The following ZDHHC11 variants were observed in gnomAD, a reference collection of about 807,000 sequenced individuals.
ZDHHC11 encodes the protein zDHHC palmitoyltransferase 11, also known as palmitoyltransferase ZDHHC11.
A neutral mutation model predicts 51.3 loss-of-function variants in ZDHHC11; 44 were observed. The ratio of observed to expected loss-of-function variants is 0.86; its 90% CI spans 0.67 to 1.10. ZDHHC11 has a LOEUF of 1.10. ZDHHC11 is among the 50% of genes least tolerant of loss of function. ZDHHC11 has a pLI of 0.00. For synonymous variants in ZDHHC11, 163 were observed against 222.0 expected (o/e 0.73, Z 2.36); for missense variants, 400 against 537.7 (o/e 0.74, Z 2.53).
chr5:833,070 C>A (rs868547663), intron 7 of ZDHHC11, among the ~76,000 whole-genome samples: 16 of 151,566 alleles, frequency 1.1e-4, no homozygotes, highest in African/African-American at 3.4e-4. Context: ...TAAGGAAATG[C>A]ATATTAAAAC....
At chr5:798,830 C>T (rs1160030387) in intron 12 of ZDHHC11, among the ~76,000 whole-genome samples, 1 of 151,872 alleles carries the variant, frequency 6.6e-6, no homozygotes, top group African/African-American at 2.4e-5. Flanking sequence ...TCGAAAGCAC[C>T]CTAGGAAGAC....
intron 10 of ZDHHC11, among the ~76,000 whole-genome samples, chr5:815,207 A>G (rs1449023405): frequency 6.6e-6 from 1 of 151,568 alleles, no homozygotes. Flanking sequence ...GTGGCCATCT[A>G]CAAGGCAAGG....
At chr5:838,470 G>A (rs1175418138) in intron 5 of ZDHHC11, among the ~76,000 whole-genome samples, 1 of 151,984 alleles carries the variant, frequency 6.6e-6, no homozygotes, top group Non-Finnish European at 1.5e-5. Flanking sequence ...ATGGCGGTGG[G>A]CGCCCTGGGG....
At chr5:828,459 C>T (rs1742629999) in intron 7 of ZDHHC11, among the ~76,000 whole-genome samples, 1 of 151,120 alleles carries the variant, frequency 6.6e-6, no homozygotes, top group Non-Finnish European at 1.5e-5. Context: ...TGGGGGCTGA[C>T]CCCCCACCTC....
At chr5:842,893 G>T (rs1476330114) in intron 4 of ZDHHC11, among the ~76,000 whole-genome samples, 2 of 152,182 alleles carry the variant, frequency 1.3e-5, no homozygotes, top group African/African-American at 2.4e-5. Flanking sequence ...TCCTCACGAG[G>T]CCACCTCCCC....
At chr5:843,141 G>T (rs1335744599) in intron 4 of ZDHHC11, among the ~76,000 whole-genome samples, 1 of 152,286 alleles carries the variant, frequency 6.6e-6, no homozygotes, top group Non-Finnish European at 1.5e-5. Context: ...CCAGGCTCCG[G>T]GCCCACTTGG....
chr5:803,770 T>C lies in ZDHHC11; in HGVS notation c.1182-2606A>G, dbSNP rs1161870405. Among the ~76,000 whole-genome samples the C allele has an allele frequency of 5.3e-5, 8 of 150,622 alleles. No homozygotes were observed. The East Asian group carries it at 5.8e-4, about 11-fold the overall frequency. On this transcript the variant is annotated intron_variant, in intron 11 of 12. Coordinates refer to ENST00000283441, the MANE Select transcript of ZDHHC11 (RefSeq NM_024786.3). ...AACTAAATAAAGTAGGAAAATTACA[T>C]ATGAGCAAATTAGATTAGTAGTAGA...
At chr5:821,353 G>A (rs934211549) in intron 9 of ZDHHC11, 1 of 152,886 alleles carries the variant, frequency 6.5e-6, no homozygotes, top group African/African-American at 2.4e-5. Flanking sequence ...GGCCTGTGGT[G>A]CCCAGCACTG....
rs371251419 is a variant in ZDHHC11 at position 814,799 on chromosome 5, T to C, written c.1147-4A>G. ...TACTCGGGGCATCATCTGCTTCCTGTGGGGGGAAGGGATGCAAAATTCATA... is the reference window on the plus strand; with the variant it reads ...TACTCGGGGCATCATCTGCTTCCTGCGGGGGGAAGGGATGCAAAATTCATA... On this transcript the variant is annotated splice_region_variant and splice_polypyrimidine_tract_variant and intron_variant, in intron 10 of 12. Coordinates refer to ENST00000283441, the MANE Select transcript of ZDHHC11 (RefSeq NM_024786.3). 37 of 1,536,600 alleles carry C rather than the reference T, an allele frequency of 2.4e-5. 3 individuals are homozygous for C. Among genetic ancestry groups the C allele is most frequent in the Non-Finnish European group, 3.2e-5 (37 of 1,142,058 alleles).
intron 11 of ZDHHC11, among the ~76,000 whole-genome samples, chr5:810,697 C>T (rs952132313): frequency 7.3e-5 from 11 of 151,410 alleles, no homozygotes; most frequent in Admixed American, 7.2e-4. Flanking sequence ...GAAGCATATT[C>T]TGTGACAAAA....
At chr5:828,152 A>T (rs573304061) in intron 7 of ZDHHC11, among the ~76,000 whole-genome samples, 1 of 151,292 alleles carries the variant, frequency 6.6e-6, no homozygotes, top group Non-Finnish European at 1.5e-5. Flanking sequence ...ACACAGACAC[A>T]GCAACCATCC....
In ZDHHC11 at chr5:796,357, C is replaced by T. The variant is rs1398154869; in HGVS notation, c.*231G>A. 7.2e-5 allele frequency: 11 copies of T among 152,828 alleles called. 1 individual carries two copies. Among genetic ancestry groups the T allele is most frequent in the African/African-American group, 2.7e-4 (11 of 40,978 alleles). 9.5% of individuals were successfully genotyped at this position (152,828 alleles called of 1,614,324 possible). A position where few individuals can be genotyped will look rare whatever the true frequency, so the allele number is the denominator to read the frequency against. Reference sequence around the variant, plus strand: ...TGTAAACCCTCCTGCAAGGCTGGCTCTTCTTTGGGTGTGATGAAGATGATG... The same window carrying T: ...TGTAAACCCTCCTGCAAGGCTGGCTTTTCTTTGGGTGTGATGAAGATGATG... On this transcript the variant is annotated 3_prime_UTR_variant, in exon 13 of 13. Transcript: ENST00000283441.
At chr5:815,354 A>C (rs1029229147) in intron 10 of ZDHHC11, among the ~76,000 whole-genome samples, 1 of 147,296 alleles carries the variant, frequency 6.8e-6, no homozygotes, top group South Asian at 2.1e-4. Flanking sequence ...GCAAAGAAAA[A>C]CACCTGCTAT....
At position 821,989 on chromosome 5, in the gene ZDHHC11, C is replaced by A; in HGVS notation, c.1024-94G>T. On this transcript the variant is annotated intron_variant, in intron 8 of 12. Transcript: ENST00000283441. ...TCCATTTCTAGTCAGTTCTGACAGT[C>A]ACTTCTGAGTAATGGTACATCAAGG... is the stretch of plus-strand genomic sequence containing the variant. The A allele has an allele frequency of 2.6e-6, 3 of 1,151,792 alleles. No homozygotes were observed. In the South Asian group the frequency reaches 4.3e-5, roughly 17 times the overall value. The allele number at this position is 1,151,792 out of a possible 1,614,324, so 71.3% of individuals were successfully genotyped here.
chr5:805,675 A>G (rs953088175), intron 11 of ZDHHC11, among the ~76,000 whole-genome samples: 3 of 151,470 alleles, frequency 2.0e-5, no homozygotes, highest in Non-Finnish European at 3.0e-5. Context: ...ATCATTTCTT[A>G]TCAGTAATTA....
intron 4 of ZDHHC11, chr5:842,408 C>A (rs574608058): frequency 1.0e-6 from 1 of 985,444 alleles, no homozygotes; most frequent in South Asian, 4.7e-5. Flanking sequence ...GCTGTGAGGC[C>A]CTGGAGGCAT....
chr5:819,083 A>G (rs1485855227), intron 10 of ZDHHC11, among the ~76,000 whole-genome samples: 1 of 151,560 alleles, frequency 6.6e-6, no homozygotes, highest in Non-Finnish European at 1.5e-5. Context: ...TGTGACCACA[A>G]ACACATCTCT....
chr5:819,720 T>C, intron 9 of ZDHHC11, 108 bp from the exon 10 acceptor site: 1 of 1,177,164 alleles, frequency 8.5e-7, no homozygotes, highest in South Asian at 1.3e-5. Context: ...GTGGGGCCCA[T>C]GTGTCTCAGA....
intron 4 of ZDHHC11, chr5:843,306 T>A: frequency 1.8e-6 from 1 of 558,940 alleles, no homozygotes; most frequent in Non-Finnish European, 3.0e-6. Flanking sequence ...CAGGGATGAC[T>A]GCGGAGGGCA....
Sources: gnomAD v4.1 joint callset for allele counts (sites outside exome capture counted in the v4.1 genomes callset) on GRCh38, gnomAD v4.1.1 for gene constraint, MANE v1.5 for transcripts, NCBI Gene and HGNC (gene_info 2026-07-23, HGNC 2026-07-21) for gene names.